The following RYR2 variants were observed in gnomAD, a reference collection of about 807,000 sequenced individuals.
RYR2 encodes the protein cardiac muscle ryanodine receptor-calcium release channel.
A neutral mutation model predicts 601.1 loss-of-function variants in RYR2; 227 were observed. The observed-to-expected ratio is 0.38, with a 90% CI of 0.34 to 0.42. The LOEUF (loss-of-function observed/expected upper bound fraction) is 0.42, where lower values mean the gene tolerates loss of function less well. RYR2 is among the 10% of genes least tolerant of loss of function. The pLI is 1.00. For synonymous variants in RYR2, 2,223 were observed against 2,175.1 expected, an observed-to-expected ratio of 1.02 and a Z score of -0.61; for missense variants, 4,646 against 6,156.5, an observed-to-expected ratio of 0.75 and a Z score of 8.21.
intron 102 of RYR2, among the ~76,000 whole-genome samples, chr1:237,829,573 A>C (rs1663543036): frequency 6.6e-6 from 1 of 152,230 alleles, no homozygotes; most frequent in African/African-American, 2.4e-5. Context: ...AGCCACTTCA[A>C]TTTAAGAGAC....
At chr1:237,199,558 G>GC (rs1680950336) in intron 1 of RYR2, among the ~76,000 whole-genome samples, 1 of 152,156 alleles carries the variant, frequency 6.6e-6, no homozygotes, top group African/African-American at 2.4e-5. Context: ...ATTAGCTGGT[G>GC]CCCACCCGGA....
chr1:237,497,985 C>T lies in RYR2; in HGVS notation c.2203+1233C>T, dbSNP rs1191452517. Among the ~76,000 whole-genome samples the T allele has an allele frequency of 2.0e-5, 3 of 151,990 alleles. No individual in the cohort carries two copies. In the East Asian group the frequency reaches 5.8e-4, roughly 29 times the overall value. Reference sequence around the variant, plus strand: ...CAAGCGATTCTCATGCCTCAGCCTCCTGAGTAGCTGAGACTAACAGGCTTG... The same window carrying T: ...CAAGCGATTCTCATGCCTCAGCCTCTTGAGTAGCTGAGACTAACAGGCTTG... On this transcript the variant is annotated intron_variant, in intron 20 of 104. Transcript: ENST00000366574.
chr1:237,731,786 C>G (rs1690700294), intron 77 of RYR2, among the ~76,000 whole-genome samples: 2 of 151,796 alleles, frequency 1.3e-5, no homozygotes, highest in African/African-American at 4.8e-5. Context: ...TATGTTATAG[C>G]ATGTATATTA....
chr1:237,565,274 G>A (rs1392011696), intron 27 of RYR2, among the ~76,000 whole-genome samples: 1 of 95,430 alleles, frequency 1.0e-5, no homozygotes, highest in Non-Finnish European at 2.4e-5. Context: ...TTGTTTGTTT[G>A]TTTTGTTTTG....
chr1:237,525,429 G>A (rs1667471534), intron 24 of RYR2, among the ~76,000 whole-genome samples: 1 of 147,354 alleles, frequency 6.8e-6, no homozygotes, highest in Non-Finnish European at 1.5e-5. Flanking sequence ...ATGAACATGT[G>A]AGTGCAGGTG....
chr1:237,064,952 C>T lies in RYR2; in HGVS notation c.48+22383C>T, dbSNP rs146692972. The stretch of plus-strand genomic sequence containing the variant: ...TTCAGTACCAGCGTCTCTATCATAA[C>T]CTGGAACTGAAGTCCCCCATGAGAA... On this transcript the variant is annotated intron_variant, in intron 1 of 104. Transcript: ENST00000366574. Among the ~76,000 whole-genome samples, 4 of 152,134 alleles carry T rather than the reference C, an allele frequency of 2.6e-5. No homozygotes were observed. The East Asian group carries it at 5.8e-4, about 22-fold the overall frequency.
intron 2 of RYR2, among the ~76,000 whole-genome samples, chr1:237,308,851 C>T (rs1361799350): frequency 6.6e-6 from 1 of 152,222 alleles, no homozygotes; most frequent in Non-Finnish European, 1.5e-5. Context: ...CCACCCACAT[C>T]CTGCTGATTG....
At chr1:237,209,052 CAT>C (rs57075293) in intron 1 of RYR2, among the ~76,000 whole-genome samples, 33,545 of 132,892 alleles carry the variant, frequency 0.25, 4,984 homozygotes, top group East Asian at 0.43. Flanking sequence ...ATTAATATAA[CAT>C]ATGTATGTAA....
intron 1 of RYR2, among the ~76,000 whole-genome samples, chr1:237,067,939 T>C (rs952179104): frequency 1.3e-5 from 2 of 152,140 alleles, no homozygotes; most frequent in African/African-American, 4.8e-5. Context: ...CATTGCATTG[T>C]ACTATACACA....
intron 23 of RYR2, among the ~76,000 whole-genome samples, chr1:237,511,027 G>A (rs3766842): frequency 0.23 from 34,215 of 152,032 alleles, 4,313 homozygotes; most frequent in African/African-American, 0.35. Context: ...CAGTCCTGTC[G>A]TTAATTGATG....
intron 1 of RYR2, among the ~76,000 whole-genome samples, chr1:237,233,195 T>C (rs2149198463): frequency 6.6e-6 from 1 of 152,356 alleles, no homozygotes; most frequent in Non-Finnish European, 1.5e-5. Context: ...AGATAATTCC[T>C]ATGTTCCAAC....
intron 79 of RYR2, among the ~76,000 whole-genome samples, chr1:237,741,489 C>T (rs1489208685): frequency 6.6e-6 from 1 of 152,140 alleles, no homozygotes; most frequent in African/African-American, 2.4e-5. Context: ...AGGGTTCTTC[C>T]TACTATAGCT....
At chr1:237,173,743 T>G (rs1312822166) in intron 1 of RYR2, among the ~76,000 whole-genome samples, 2 of 152,066 alleles carry the variant, frequency 1.3e-5, no homozygotes, top group African/African-American at 4.8e-5. Context: ...TAAAAGAGAG[T>G]TTGACTTTCA....
chr1:237,785,987 GAAGAA>G lies in RYR2; in HGVS notation c.13283_13287del (p.Glu4428GlyfsTer9), dbSNP rs1695516769. 1 of 1,590,428 alleles carries G rather than the reference GAAGAA, an allele frequency of 6.3e-7. No individual in the cohort carries two copies. Among genetic ancestry groups the G allele is most frequent in the African/African-American group, 1.3e-5 (1 of 74,488 alleles). ...ATTCAAGGAACAGAAGGCAAAAGAA[GAAGAA>G]AAGGAAGAAAAAGAAGAAACCAAAT... On this transcript the variant is annotated frameshift_variant, in exon 91 of 105. Transcript: ENST00000366574. LOFTEE classifies it high-confidence loss of function.
intron 4 of RYR2, among the ~76,000 whole-genome samples, chr1:237,359,759 G>A (rs1162410719): frequency 6.6e-6 from 1 of 152,048 alleles, no homozygotes; most frequent in Non-Finnish European, 1.5e-5. Context: ...AGCCCACTGA[G>A]TTATCAAATG....
intron 2 of RYR2, among the ~76,000 whole-genome samples, chr1:237,296,038 C>A (rs1692746297): frequency 6.6e-6 from 1 of 152,138 alleles, no homozygotes; most frequent in South Asian, 2.1e-4. Context: ...TTGTAGAAGG[C>A]CTCTTTGCTG....
intron 2 of RYR2, among the ~76,000 whole-genome samples, chr1:237,325,012 T>C (rs1186772900): frequency 1.3e-5 from 2 of 152,214 alleles, no homozygotes; most frequent in African/African-American, 2.4e-5. Flanking sequence ...TTTCCAGAAA[T>C]AGATGAAATC....
intron 1 of RYR2, among the ~76,000 whole-genome samples, chr1:237,216,752 C>CA (rs11316763): frequency 0.029 from 3,258 of 110,696 alleles, 65 homozygotes; most frequent in East Asian, 0.072. Context: ...CACCCCCCAC[C>CA]AAAAAAAAAA....
At chr1:237,670,623 T>C (rs1684847014) in intron 58 of RYR2, among the ~76,000 whole-genome samples, 1 of 152,148 alleles carries the variant, frequency 6.6e-6, no homozygotes. Context: ...TGTCTGTTCC[T>C]TTTTTTAAAC....
Sources: allele counts gnomAD v4.1 joint callset (sites outside exome capture counted in the v4.1 genomes callset), GRCh38; gene constraint gnomAD v4.1.1; transcripts MANE v1.5; gene names NCBI Gene and HGNC (gene_info 2026-07-23, HGNC 2026-07-21).